Variants in NEK10 observed in about 807,000 individuals in gnomAD.
NEK10 encodes NIMA related kinase 10.
Under a neutral mutation model 159.8 loss-of-function variants are expected in NEK10, and 122 were observed. The observed-to-expected ratio is 0.76, with a 90% CI of 0.66 to 0.89. The LOEUF (loss-of-function observed/expected upper bound fraction) is 0.89. Among genes scored for constraint, NEK10 ranks in the 40% least tolerant of loss-of-function variants. The pLI, the probability that NEK10 is intolerant of heterozygous loss-of-function variation, is 0.00. For missense variants in NEK10, 1,342 were observed against 1,323.1 expected, an observed-to-expected ratio of 1.01 and a Z score of -0.22; for synonymous variants, 466 against 457.1, an observed-to-expected ratio of 1.02 and a Z score of -0.25.
At chr3:27,285,951 G>T in intron 20 of NEK10, among the ~76,000 whole-genome samples, 1 of 151,396 alleles carries the variant, frequency 6.6e-6, no homozygotes, top group East Asian at 1.9e-4. Flanking sequence ...ATAATTTCAA[G>T]AAATATTCAT....
chr3:27,364,710 A>G (rs888151523), intron 1 of NEK10, among the ~76,000 whole-genome samples: 1 of 152,220 alleles, frequency 6.6e-6, no homozygotes, highest in Non-Finnish European at 1.5e-5. Context: ...AATCCTCAAA[A>G]CAACCCTCTG....
chr3:27,122,686 C>T lies in NEK10; in HGVS notation c.3082-2818G>A, dbSNP rs539279890. ...AGGAGTAACTGGCTGCCTGAAATCT[C>T]ATCCTAATTATAAAAAGCTTACTTA... On this transcript the variant is annotated intron_variant, in intron 32 of 35. Coordinates refer to ENST00000691995, the MANE Select transcript of NEK10 (RefSeq NM_001394966.1). Among the ~76,000 whole-genome samples the T allele has an allele frequency of 2.0e-5, 3 of 152,238 alleles. 1 individual carries two copies. The South Asian group carries it at 6.2e-4, about 32-fold the overall frequency.
At chr3:27,300,185 T>G (rs485007) in intron 13 of NEK10, among the ~76,000 whole-genome samples, 52,370 of 151,988 alleles carry the variant, frequency 0.34, 11,140 homozygotes, top group African/African-American at 0.61. Context: ...CAGTGAGAGG[T>G]GATTGAATTA....
intron 23 of NEK10, among the ~76,000 whole-genome samples, chr3:27,203,783 T>C (rs2149049453): frequency 6.6e-6 from 1 of 152,302 alleles, no homozygotes; most frequent in East Asian, 1.9e-4. Flanking sequence ...ATTACTGTTC[T>C]TGAGAGGAAG....
At chr3:27,339,399 G>A (rs1045612189) in intron 5 of NEK10, among the ~76,000 whole-genome samples, 1 of 152,166 alleles carries the variant, frequency 6.6e-6, no homozygotes, top group Non-Finnish European at 1.5e-5. Flanking sequence ...GATATGAGCA[G>A]ACACTTCTCA....
At position 27,192,169 on chromosome 3, in the gene NEK10, T is replaced by G; in HGVS notation, c.2365A>C (p.Lys789Gln). ...VSSMISDVMM[K>Q]YLDNLSTSQL... ...GATGTAGATAAGTTGTCTAAATATT[T>G]CATCATGACATCTGATATCATCGAA... The change falls in exon 26 of 36, where the codon AAA (lysine) becomes CAA (glutamine). Residue 789 changes from lysine (K) to glutamine (Q), a missense_variant. Lys to Gln is a moderately conservative substitution (Grantham distance 53). Coordinates refer to ENST00000691995, the MANE Select transcript of NEK10 (RefSeq NM_001394966.1). 1.2e-6 allele frequency: 2 copies of G among 1,614,178 alleles called. No homozygotes were observed. The highest frequency in any genetic ancestry group is 1.1e-5 in the South Asian group (1 of 91,082).
chr3:27,172,852 A>G (rs912827443), intron 28 of NEK10, among the ~76,000 whole-genome samples: 2 of 152,172 alleles, frequency 1.3e-5, no homozygotes, highest in Non-Finnish European at 2.9e-5. Context: ...ACACTCTCAT[A>G]TTGTTCTAAA....
chr3:27,220,318 A>G, intron 23 of NEK10, among the ~76,000 whole-genome samples: 1 of 152,158 alleles, frequency 6.6e-6, no homozygotes, highest in South Asian at 2.1e-4. Context: ...GCCTTTTTCC[A>G]GCTTCTAGAG....
intron 19 of NEK10, among the ~76,000 whole-genome samples, 199 bp from the exon 20 acceptor site, chr3:27,287,942 G>A (rs925164758): frequency 2.0e-5 from 3 of 152,138 alleles, no homozygotes; most frequent in Non-Finnish European, 2.9e-5. Context: ...TCTGAAAATA[G>A]CAATCCTCTA....
At chr3:27,116,231 T>C in intron 33 of NEK10, 104 bp from the exon 34 acceptor site, 1 of 984,798 alleles carries the variant, frequency 1.0e-6, no homozygotes, top group Non-Finnish European at 1.6e-6. Context: ...CAGGTCAATT[T>C]CTTAATGATA....
intron 32 of NEK10, among the ~76,000 whole-genome samples, chr3:27,127,645 C>T (rs1482125358): frequency 1.3e-5 from 2 of 152,126 alleles, no homozygotes; most frequent in Non-Finnish European, 2.9e-5. Context: ...GTCATATATC[C>T]AGTCTATCAC....
intron 23 of NEK10, among the ~76,000 whole-genome samples, chr3:27,219,465 T>C (rs1951875214): frequency 1.3e-5 from 2 of 152,366 alleles, no homozygotes; most frequent in Non-Finnish European, 2.9e-5. Flanking sequence ...TGACAAGGGT[T>C]ACATCTGCTT....
In NEK10 at chr3:27,237,138, A is replaced by G. The variant is rs9856217; in HGVS notation, c.2090+19158T>C. ...ATAGGCTCTCTGCAAGAAGAAAAAT[A>G]TGGCTCTATTCTGCCTGACCCCGCA... On this transcript the variant is annotated intron_variant, in intron 23 of 35. Coordinates refer to ENST00000691995, the MANE Select transcript of NEK10 (RefSeq NM_001394966.1). Among the ~76,000 whole-genome samples, 578 of 152,242 alleles carry G rather than the reference A, an allele frequency of 3.8e-3. 4 individuals carry two copies. The highest frequency in any genetic ancestry group is 0.013 in the African/African-American group (549 of 41,540).
intron 22 of NEK10, among the ~76,000 whole-genome samples, chr3:27,273,474 C>A (rs1466871249): frequency 1.3e-5 from 2 of 152,148 alleles, no homozygotes; most frequent in Non-Finnish European, 2.9e-5. Flanking sequence ...AAACCTTTTT[C>A]ACTATCTTTA....
chr3:27,188,015 C>T (rs1948775987), intron 26 of NEK10, among the ~76,000 whole-genome samples: 1 of 152,192 alleles, frequency 6.6e-6, no homozygotes, highest in South Asian at 2.1e-4. Context: ...GCTGGATGAA[C>T]TTGGACAAGT....
chr3:27,365,610 G>GT (rs71091129), intron 1 of NEK10, among the ~76,000 whole-genome samples: 14,727 of 98,828 alleles, frequency 0.15, 2,765 homozygotes, highest in African/African-American at 0.38. Flanking sequence ...TTTTTTTTGT[G>GT]TTTTTTTTTT....
At chr3:27,358,146 T>C (rs1040589918) in intron 1 of NEK10, among the ~76,000 whole-genome samples, 3 of 152,230 alleles carry the variant, frequency 2.0e-5, no homozygotes, top group Non-Finnish European at 4.4e-5. Context: ...CTTGTACCTA[T>C]ATGGGTTTTT....
intron 19 of NEK10, 26 bp downstream of exon 19, chr3:27,290,591 T>A (rs548830259): frequency 6.5e-7 from 1 of 1,537,476 alleles, no homozygotes; most frequent in Admixed American, 1.9e-5. Context: ...AAGAAAAACA[T>A]CTTCAGAAAC....
chr3:27,346,884 A>C (rs144566873), intron 3 of NEK10, among the ~76,000 whole-genome samples: 1 of 152,344 alleles, frequency 6.6e-6, no homozygotes, highest in Non-Finnish European at 1.5e-5. Context: ...TTTAACTACA[A>C]CAACTTCACT....
Sources: gnomAD v4.1 joint callset for allele counts (sites outside exome capture counted in the v4.1 genomes callset) on GRCh38, gnomAD v4.1.1 for gene constraint, MANE v1.5 for transcripts, NCBI Gene and HGNC (gene_info 2026-07-23, HGNC 2026-07-21) for gene names.